Variants in TMEM45A observed in about 807,000 individuals in gnomAD.
TMEM45A encodes the protein DNA polymerase-transactivated protein 4.
In TMEM45A, 25 loss-of-function variants were observed where a neutral mutation model predicts 32.0. The observed-to-expected ratio is 0.78, with a 90% CI of 0.57 to 1.09. TMEM45A has a LOEUF of 1.09. Ranked by LOEUF, TMEM45A falls within the 50% of genes least tolerant of loss-of-function variation. The pLI, the probability that TMEM45A is intolerant of heterozygous loss-of-function variation, is 0.00. For missense variants in TMEM45A, 302 were observed against 325.0 expected (o/e 0.93, Z 0.54); for synonymous variants, 122 against 114.8 (o/e 1.06, Z -0.40).
At chr3:100,510,604 T>G (rs60066171) in intron 1 of TMEM45A, among the ~76,000 whole-genome samples, 5 of 148,152 alleles carry the variant, frequency 3.4e-5, no homozygotes, top group Non-Finnish European at 7.5e-5. Context: ...TCACCAGCAA[T>G]GGAACAAAGC....
At chr3:100,539,851 C>T (rs1353874277) in intron 1 of TMEM45A, among the ~76,000 whole-genome samples, 1 of 152,168 alleles carries the variant, frequency 6.6e-6, no homozygotes, top group Non-Finnish European at 1.5e-5. Context: ...TTACCTGCTG[C>T]CTGTGCATTT....
intron 4 of TMEM45A, among the ~76,000 whole-genome samples, chr3:100,566,100 C>T (rs1706430121): frequency 6.6e-6 from 1 of 152,138 alleles, no homozygotes; most frequent in Non-Finnish European, 1.5e-5. Context: ...GTTGCATGTA[C>T]TTCATTCCTT....
At chr3:100,574,428 C>T (rs1706639034) in intron 5 of TMEM45A, 1 of 152,202 alleles carries the variant, frequency 6.6e-6, no homozygotes, top group South Asian at 2.1e-4. Flanking sequence ...TCGACACATA[C>T]ATCCTCCCAA....
rs1706235255 is a variant in TMEM45A at position 100,556,980 on chromosome 3, T to A, written c.403+8T>A. ...ATGCCTTATTTGTGGAGGGTAAGTGTTAGTGAGTATTTTCATGTACCTTTC... is the reference window on the plus strand; with the variant it reads ...ATGCCTTATTTGTGGAGGGTAAGTGATAGTGAGTATTTTCATGTACCTTTC... On this transcript the variant is annotated splice_region_variant and intron_variant, in intron 3 of 5. Transcript: ENST00000323523. The A allele has an allele frequency of 1.4e-5, 22 of 1,613,486 alleles. No homozygotes were observed. Among genetic ancestry groups the A allele is most frequent in the Non-Finnish European group, 1.8e-5 (21 of 1,179,430 alleles).
At position 100,523,696 on chromosome 3, in the gene TMEM45A, C is replaced by T. The variant is rs912024794; in HGVS notation, c.-4+30768C>T. ...CTCCCCCTCCTTTCTCCTCCTTCTCCTTCTCCTCCTCCTCCTTTCTCCTCC... is the reference window on the plus strand; with the variant it reads ...CTCCCCCTCCTTTCTCCTCCTTCTCTTTCTCCTCCTCCTCCTTTCTCCTCC... On this transcript the variant is annotated intron_variant, in intron 1 of 5. Transcript: ENST00000323523. 7.3e-5 allele frequency among the ~76,000 whole-genome samples: 11 copies of T among 150,716 alleles called. No individual in the cohort carries two copies. In the East Asian group the frequency reaches 2.0e-3, roughly 27 times the overall value.
chr3:100,512,121 G>A (rs1446575409), intron 1 of TMEM45A, among the ~76,000 whole-genome samples: 1 of 152,112 alleles, frequency 6.6e-6, no homozygotes, highest in Non-Finnish European at 1.5e-5. Flanking sequence ...GCACCAAGTG[G>A]ACCTAATAGA....
At chr3:100,576,902 G>C (rs1331519777) in intron 5 of TMEM45A, 23 bp from the exon 6 acceptor site, 1 of 1,555,130 alleles carries the variant, frequency 6.4e-7, no homozygotes, top group Admixed American at 1.7e-5. Context: ...CGTCTAACTT[G>C]AGATGCTTTT....
At chr3:100,519,249 T>C (rs1705375851) in intron 1 of TMEM45A, 2 of 381,108 alleles carry the variant, frequency 5.2e-6, no homozygotes, top group Non-Finnish European at 9.6e-6. Flanking sequence ...CCCAGCATTG[T>C]TAGCTACTGA....
At position 100,506,455 on chromosome 3, in the gene TMEM45A, G is replaced by T. The variant is rs565188802; in HGVS notation, c.-4+13527G>T. On this transcript the variant is annotated intron_variant, in intron 1 of 5. Transcript: ENST00000323523. ...AAAGTGGAAACACACCACTCTCCCT[G>T]ACTGTCCTGGAGGTGAACTTCCATG... 6.6e-5 allele frequency among the ~76,000 whole-genome samples: 10 copies of T among 152,262 alleles called. No homozygotes were observed. In the South Asian group the frequency reaches 2.1e-3, roughly 32 times the overall value.
At chr3:100,510,808 G>A (rs1228293982) in intron 1 of TMEM45A, among the ~76,000 whole-genome samples, 3 of 152,322 alleles carry the variant, frequency 2.0e-5, no homozygotes, top group South Asian at 2.1e-4. Flanking sequence ...ACCAAGGCTC[G>A]AGAACTACGT....
intron 4 of TMEM45A, among the ~76,000 whole-genome samples, chr3:100,567,411 G>T (rs1460068428): frequency 6.8e-6 from 1 of 148,128 alleles, no homozygotes; most frequent in Non-Finnish European, 1.5e-5. Context: ...GATTACTGTA[G>T]CTCTGTAGTA....
chr3:100,535,960 G>A (rs56352726), intron 1 of TMEM45A, among the ~76,000 whole-genome samples: 15,686 of 152,142 alleles, frequency 0.1, 2,713 homozygotes, highest in African/African-American at 0.35. Context: ...AAGTCTTGAC[G>A]TTAAGGGGAT....
chr3:100,571,604 T>G (rs189065895), intron 5 of TMEM45A: 1 of 152,208 alleles, frequency 6.6e-6, no homozygotes, highest in Non-Finnish European at 1.5e-5. Context: ...TTTAAAAATT[T>G]TATTATTATT....
chr3:100,507,218 A>G (rs1204383439), intron 1 of TMEM45A, among the ~76,000 whole-genome samples: 1 of 152,220 alleles, frequency 6.6e-6, no homozygotes, highest in African/African-American at 2.4e-5. Context: ...GGATGTCCCT[A>G]GTTAGACACT....
intron 1 of TMEM45A, chr3:100,519,326 A>G (rs551722715): frequency 5.8e-5 from 33 of 565,866 alleles, no homozygotes; most frequent in South Asian, 4.7e-4. Context: ...GGTAAGTTTT[A>G]ATACTGTGTT....
intron 5 of TMEM45A, chr3:100,572,385 A>G (rs1358801325): frequency 1.1e-4 from 17 of 151,606 alleles, no homozygotes; most frequent in African/African-American, 3.6e-4. Context: ...TTTTTTGGCT[A>G]CATAAATGTC....
chr3:100,532,142 C>T (rs1576274140), intron 1 of TMEM45A, among the ~76,000 whole-genome samples: 1 of 152,198 alleles, frequency 6.6e-6, no homozygotes, highest in Non-Finnish European at 1.5e-5. Context: ...GATCTCTGCT[C>T]AGAGTACTTG....
At chr3:100,525,703 G>A (rs576114834) in intron 1 of TMEM45A, among the ~76,000 whole-genome samples, 11 of 152,140 alleles carry the variant, frequency 7.2e-5, no homozygotes, top group Non-Finnish European at 1.5e-4. Context: ...ACAGCCTTCC[G>A]GGGAGTATTT....
At chr3:100,538,645 T>G (rs1204508026) in intron 1 of TMEM45A, among the ~76,000 whole-genome samples, 1 of 152,218 alleles carries the variant, frequency 6.6e-6, no homozygotes, top group African/African-American at 2.4e-5. Context: ...ATGGCATAAT[T>G]GTTCATGTAG....
Sources: allele counts gnomAD v4.1 joint callset (sites outside exome capture counted in the v4.1 genomes callset), GRCh38; gene constraint gnomAD v4.1.1; transcripts MANE v1.5; gene names NCBI Gene and HGNC (gene_info 2026-07-23, HGNC 2026-07-21).